DNAH6: variants seen among roughly 807,000 people sequenced by gnomAD.
The protein encoded by DNAH6 is dynein axonemal heavy chain 6.
Under a neutral mutation model 491.4 loss-of-function variants are expected in DNAH6, and 340 were observed. The observed-to-expected ratio is 0.69, with a 90% confidence interval of 0.63 to 0.76. The LOEUF (loss-of-function observed/expected upper bound fraction) is 0.76. Among genes scored for constraint, DNAH6 ranks in the 30% least tolerant of loss-of-function variants. The pLI is 0.00. For synonymous variants in DNAH6, 1,603 were observed against 1,686.1 expected (o/e 0.95, Z 1.21); for missense variants, 4,443 against 4,972.2 (o/e 0.89, Z 3.20).
intron 62 of DNAH6, among the ~76,000 whole-genome samples, chr2:84,739,478 A>G (rs1489820276): frequency 6.6e-6 from 1 of 152,196 alleles, no homozygotes; most frequent in African/African-American, 2.4e-5. Flanking sequence ...CTCTCTCATG[A>G]ATGCCAGTAA....
At position 84,584,178 on chromosome 2, in the gene DNAH6, A is replaced by T. The variant is rs1264540177; in HGVS notation, c.2409A>T (p.Gln803His). 1 of 1,614,046 alleles carries T rather than the reference A, an allele frequency of 6.2e-7. No homozygotes were observed. Among genetic ancestry groups the T allele is most frequent in the Admixed American group, 1.7e-5 (1 of 60,000 alleles). ...GTGATAGAGAATCAAGCATTAAGCA[A>T]TTTTGTGTGCATTTGGGTAGTGATC... ...SVGDRESSIK[Q>H]FCVHLGSDLE... Residue 803 changes from glutamine (Q) to histidine (H), a missense_variant, in exon 15 of 77, where the codon CAA (glutamine) becomes CAT (histidine). Physicochemically the swap from Gln to His is conservative, Grantham distance 24. This residue lies in a region of DNAH6 where 2,977 missense variants were observed against 3,296.6 expected (regional missense o/e 0.90). Transcript: ENST00000389394.
chr2:84,739,012 A>G (rs755186973), intron 62 of DNAH6, among the ~76,000 whole-genome samples: 9 of 152,134 alleles, frequency 5.9e-5, no homozygotes, highest in Non-Finnish European at 1.0e-4. Context: ...TTAAGCATGC[A>G]TTGTAGGGCC....
At chr2:84,802,542 A>C (rs567236717) in intron 70 of DNAH6, among the ~76,000 whole-genome samples, 69 of 152,308 alleles carry the variant, frequency 4.5e-4, no homozygotes, top group South Asian at 1.0e-3. Flanking sequence ...TGGAGCACTC[A>C]GATTTATAAA....
rs1680210561 is a variant in DNAH6 at position 84,557,772 on chromosome 2, C to T, written c.1640C>T (p.Thr547Ile). 1 of 1,593,272 alleles carries T rather than the reference C, an allele frequency of 6.3e-7. No homozygotes were observed. Among genetic ancestry groups the T allele is most frequent in the South Asian group, 1.1e-5 (1 of 90,358 alleles). The change falls in exon 11 of 77, where the codon ACT becomes ATT. Residue 547 changes from threonine to isoleucine, a missense_variant. Transcript: ENST00000389394. ...GGTGCAGTTAATCACTGTCAAAACACTGTGTTATCAGTTCCTAATCTCGTG... is the reference window on the plus strand; with the variant it reads ...GGTGCAGTTAATCACTGTCAAAACATTGTGTTATCAGTTCCTAATCTCGTG... ...ILGAVNHCQN[T>I]VLSVPNLVPD...
At chr2:84,742,059 A>G (rs984800169) in intron 62 of DNAH6, among the ~76,000 whole-genome samples, 1 of 152,314 alleles carries the variant, frequency 6.6e-6, no homozygotes, top group African/African-American at 2.4e-5. Flanking sequence ...AATGAATCCA[A>G]GCATTCTCTC....
rs150091373 is a variant in DNAH6, at chr2:84,626,361, T to C, written c.4515+1298T>C. On this transcript the variant is annotated intron_variant, in intron 29 of 76. Transcript: ENST00000389394. Reference sequence around the variant, plus strand: ...TTTATAAAATTTGTATTTTATTCTATAACTAAATTATGTCTTCACTGCTTT... The same window carrying C: ...TTTATAAAATTTGTATTTTATTCTACAACTAAATTATGTCTTCACTGCTTT... Among the ~76,000 whole-genome samples the C allele has an allele frequency of 3.3e-5, 5 of 152,334 alleles. No homozygotes were observed. In the East Asian group the frequency reaches 9.6e-4, roughly 29 times the overall value.
intron 40 of DNAH6, among the ~76,000 whole-genome samples, chr2:84,673,203 G>A (rs950751817): frequency 2.0e-5 from 3 of 152,130 alleles, no homozygotes; most frequent in African/African-American, 4.8e-5. Flanking sequence ...AAAATACTAC[G>A]GTGGTGTGAA....
intron 41 of DNAH6, among the ~76,000 whole-genome samples, chr2:84,677,707 A>G (rs1170587629): frequency 1.3e-5 from 2 of 152,332 alleles, no homozygotes; most frequent in East Asian, 3.9e-4. Context: ...TGCTCAACAG[A>G]TTGAGAGGCA....
chr2:84,674,091 G>A (rs749779993), intron 40 of DNAH6, among the ~76,000 whole-genome samples: 10 of 152,114 alleles, frequency 6.6e-5, no homozygotes, highest in East Asian at 1.9e-4. Flanking sequence ...GGCATGTTTC[G>A]TTTTGCTCAC....
intron 76 of DNAH6, among the ~76,000 whole-genome samples, chr2:84,816,917 GA>G (rs1460390563): frequency 2.0e-5 from 3 of 152,152 alleles, no homozygotes; most frequent in Non-Finnish European, 4.4e-5. Flanking sequence ...AGCACAGTGA[GA>G]GGGGAAAGAA....
intron 62 of DNAH6, among the ~76,000 whole-genome samples, chr2:84,739,667 C>T (rs576501664): frequency 6.6e-6 from 1 of 152,204 alleles, no homozygotes; most frequent in African/African-American, 2.4e-5. Flanking sequence ...TTTTGAATTT[C>T]CTGATGCGAA....
At chr2:84,562,487 AGGGGCAAAGGTAAACAATAAGAAAGT>A (rs1179401259) in intron 11 of DNAH6, among the ~76,000 whole-genome samples, 5 of 152,200 alleles carry the variant, frequency 3.3e-5, no homozygotes, top group Non-Finnish European at 7.3e-5. Context: ...TCAATGTTGT[AGGGGCAAAGGTAAACAATAAGAAAGT>A]GGGGCTTGTG....
intron 62 of DNAH6, among the ~76,000 whole-genome samples, chr2:84,742,997 T>C (rs975346847): frequency 2.0e-5 from 3 of 152,130 alleles, no homozygotes; most frequent in African/African-American, 7.2e-5. Flanking sequence ...CCCCTAGTCT[T>C]TTGTCCCCCA....
intron 72 of DNAH6, among the ~76,000 whole-genome samples, chr2:84,809,598 T>G (rs189211938): frequency 3.3e-5 from 5 of 152,204 alleles, no homozygotes; most frequent in Non-Finnish European, 7.3e-5. Context: ...TAAGCTGCTA[T>G]GATAAAGACC....
chr2:84,802,301 G>A (rs777398467), intron 70 of DNAH6, among the ~76,000 whole-genome samples: 5 of 152,196 alleles, frequency 3.3e-5, no homozygotes, highest in African/African-American at 1.2e-4. Context: ...TCGTTCTGCT[G>A]TCTTCAAGAG....
chr2:84,618,815 A>C (rs985280132), intron 23 of DNAH6, among the ~76,000 whole-genome samples: 1 of 152,112 alleles, frequency 6.6e-6, no homozygotes, highest in Non-Finnish European at 1.5e-5. Context: ...AGGGACAAAC[A>C]ATTTTTTTTC....
At chr2:84,513,096 T>C (rs935704421), upstream of DNAH6, among the ~76,000 whole-genome samples, 1 of 152,086 alleles carries the variant, frequency 6.6e-6, no homozygotes, top group Admixed American at 6.5e-5. Context: ...ACCATTTTGG[T>C]TCACTTTTTA....
chr2:84,498,311 C>A, the DNAH6 span, among the ~76,000 whole-genome samples: 1 of 152,250 alleles, frequency 6.6e-6, no homozygotes, highest in South Asian at 2.1e-4. Context: ...TAGACATCAC[C>A]CTGTCTTTAG....
chr2:84,529,619 TTCTGTGTGTTG>T (rs1676961557), intron 4 of DNAH6, among the ~76,000 whole-genome samples: 1 of 152,184 alleles, frequency 6.6e-6, no homozygotes, highest in Admixed American at 6.5e-5. Context: ...TCCACACACT[TTCTGTGTGTTG>T]TTGCCGCACA....
Sources: allele counts gnomAD v4.1 joint callset (sites outside exome capture counted in the v4.1 genomes callset), GRCh38; gene constraint gnomAD v4.1.1; regional missense constraint gnomAD v4.1.1; transcripts MANE v1.5; gene names NCBI Gene and HGNC (gene_info 2026-07-23, HGNC 2026-07-21).